The following SUGCT variants were observed in gnomAD, a reference collection of about 807,000 sequenced individuals.
The protein encoded by SUGCT is succinyl-CoA:glutarate-CoA transferase, also known as succinyl-CoA:glutarate CoA-transferase.
SUGCT carries 41 observed loss-of-function variants against 55.0 expected under a neutral mutation model. That is an observed-to-expected ratio of 0.74 (90% CI 0.58 to 0.97). The LOEUF (loss-of-function observed/expected upper bound fraction) is 0.97, where lower values mean the gene tolerates loss of function less well. Ranked by LOEUF, SUGCT falls within the 50% of genes least tolerant of loss-of-function variation. SUGCT has a pLI of 0.00. For missense variants in SUGCT, 568 were observed against 547.8 expected, an observed-to-expected ratio of 1.04 and a Z score of -0.37; for synonymous variants, 187 against 200.4, an observed-to-expected ratio of 0.93 and a Z score of 0.56.
At chr7:40,650,316 T>C (rs150911044) in intron 12 of SUGCT, among the ~76,000 whole-genome samples, 1 of 152,278 alleles carries the variant, frequency 6.6e-6, no homozygotes, top group East Asian at 1.9e-4. Context: ...AAATTCAATC[T>C]GTGCTCAAAG....
the SUGCT span, among the ~76,000 whole-genome samples, chr7:41,007,270 C>G: frequency 1.3e-5 from 2 of 152,160 alleles, no homozygotes; most frequent in African/African-American, 4.8e-5. Flanking sequence ...TAATATTACA[C>G]TACTGATTGG....
chr7:40,228,262 C>T (rs1053149092), intron 6 of SUGCT, among the ~76,000 whole-genome samples: 1 of 152,044 alleles, frequency 6.6e-6, no homozygotes, highest in African/African-American at 2.4e-5. Context: ...CCAATTCTCT[C>T]TCTCTTTTGT....
chr7:40,482,404 A>C (rs879746230), intron 11 of SUGCT, among the ~76,000 whole-genome samples: 3 of 152,190 alleles, frequency 2.0e-5, no homozygotes, highest in Non-Finnish European at 2.9e-5. Flanking sequence ...CAATTTATAC[A>C]AAAATGCTAA....
chr7:40,346,947 T>C (rs1370595855), intron 9 of SUGCT, among the ~76,000 whole-genome samples: 1 of 152,178 alleles, frequency 6.6e-6, no homozygotes, highest in Non-Finnish European at 1.5e-5. Context: ...GAAATAAATT[T>C]CTGTTTTCAA....
intron 12 of SUGCT, among the ~76,000 whole-genome samples, chr7:40,729,514 T>C (rs577867127): frequency 4.5e-4 from 69 of 152,138 alleles, no homozygotes; most frequent in Non-Finnish European, 6.2e-4. Context: ...GTGGTAGAGG[T>C]GGTGGTGAGT....
chr7:40,248,888 G>GCGCGCA (rs774950218), intron 7 of SUGCT, among the ~76,000 whole-genome samples: 35 of 135,580 alleles, frequency 2.6e-4, no homozygotes, highest in African/African-American at 9.1e-4. Context: ...GCGCGCGCTC[G>GCGCGCA]CACACACACA....
At chr7:40,411,779 G>A (rs1317785163) in intron 9 of SUGCT, among the ~76,000 whole-genome samples, 1 of 152,110 alleles carries the variant, frequency 6.6e-6, no homozygotes, top group Admixed American at 6.5e-5. Flanking sequence ...TAATTTGAAT[G>A]ATCCTACCAT....
intron 12 of SUGCT, among the ~76,000 whole-genome samples, chr7:40,614,286 G>C (rs1257066622): frequency 6.6e-6 from 1 of 152,170 alleles, no homozygotes; most frequent in Non-Finnish European, 1.5e-5. Flanking sequence ...AAGCAAGTCA[G>C]AGGATGTTAA....
intron 12 of SUGCT, among the ~76,000 whole-genome samples, chr7:40,559,812 A>G (rs2151659095): frequency 6.6e-6 from 1 of 152,374 alleles, no homozygotes; most frequent in South Asian, 2.1e-4. Flanking sequence ...ACAAAAGGCC[A>G]AATTCCATTT....
chr7:41,021,456 G>A, the SUGCT span, among the ~76,000 whole-genome samples: 1 of 152,160 alleles, frequency 6.6e-6, no homozygotes, highest in Admixed American at 6.6e-5. Flanking sequence ...CAGTTCACAT[G>A]ATGCTAGAAT....
chr7:40,161,383 T>C (rs1784139073), intron 1 of SUGCT, among the ~76,000 whole-genome samples: 1 of 152,186 alleles, frequency 6.6e-6, no homozygotes, highest in Non-Finnish European at 1.5e-5. Context: ...TTTTTTTGTG[T>C]CAAGAGGCTC....
At chr7:40,665,083 C>T (rs1325266570) in intron 12 of SUGCT, among the ~76,000 whole-genome samples, 2 of 151,812 alleles carry the variant, frequency 1.3e-5, no homozygotes, top group Non-Finnish European at 2.9e-5. Flanking sequence ...TTATTGAACA[C>T]CCTGGGGAAT....
chr7:40,439,779 G>A (rs1204331360), intron 9 of SUGCT, among the ~76,000 whole-genome samples: 1 of 152,206 alleles, frequency 6.6e-6, no homozygotes, highest in Admixed American at 6.5e-5. Flanking sequence ...TGTGCTTTCA[G>A]TCCGTGCTCA....
At chr7:40,993,195 A>G in the SUGCT span, among the ~76,000 whole-genome samples, 1 of 152,130 alleles carries the variant, frequency 6.6e-6, no homozygotes, top group Non-Finnish European at 1.5e-5. Context: ...TAGATCACAA[A>G]TGAGGGCAGA....
intron 13 of SUGCT, among the ~76,000 whole-genome samples, chr7:40,814,286 A>T (rs554471220): frequency 6.6e-6 from 1 of 151,452 alleles, no homozygotes; most frequent in African/African-American, 2.4e-5. Flanking sequence ...ATTTCCTCAA[A>T]TTTTTTTTTC....
intron 7 of SUGCT, among the ~76,000 whole-genome samples, chr7:40,248,987 G>A (rs1790123327): frequency 6.6e-6 from 1 of 151,380 alleles, no homozygotes; most frequent in South Asian, 2.1e-4. Context: ...TATTTGCTAT[G>A]GGTTAAAATA....
chr7:40,402,174 G>C (rs1416772063), intron 9 of SUGCT, among the ~76,000 whole-genome samples: 1 of 151,154 alleles, frequency 6.6e-6, no homozygotes, highest in Admixed American at 6.6e-5. Context: ...ATGGAAACTA[G>C]ATATCTTACC....
At chr7:40,989,149 G>A in the SUGCT span, among the ~76,000 whole-genome samples, 359 of 152,248 alleles carry the variant, frequency 2.4e-3, no homozygotes, top group Non-Finnish European at 3.7e-3. Flanking sequence ...TCAGCACATT[G>A]TAACCTGTTT....
chr7:40,651,923 A>G (rs977295651), intron 12 of SUGCT, among the ~76,000 whole-genome samples: 3 of 151,878 alleles, frequency 2.0e-5, no homozygotes, highest in African/African-American at 7.3e-5. Flanking sequence ...TCATTTTGTC[A>G]TCACTCATTT....
Sources: allele counts gnomAD v4.1 joint callset (sites outside exome capture counted in the v4.1 genomes callset), GRCh38; gene constraint gnomAD v4.1.1; transcripts MANE v1.5; gene names NCBI Gene and HGNC (gene_info 2026-07-23, HGNC 2026-07-21).